The following CWC25 variants were observed in gnomAD, a reference collection of about 807,000 sequenced individuals.
CWC25 encodes the protein CWC25 spliceosome associated protein.
In CWC25, 31 loss-of-function variants were observed where a neutral mutation model predicts 54.6. The observed-to-expected ratio is 0.57, with a 90% CI of 0.43 to 0.77. The LOEUF is 0.77. Ranked by LOEUF, CWC25 falls within the 30% of genes least tolerant of loss-of-function variation. CWC25 has a pLI of 0.00. For synonymous variants in CWC25, 151 were observed against 187.0 expected (o/e 0.81, Z 1.57); for missense variants, 453 against 529.3 (o/e 0.86, Z 1.41).
chr17:38,825,082 T>C (rs1171907780), intron 1 of CWC25, 84 bp downstream of exon 1: 4 of 1,271,280 alleles, frequency 3.1e-6, no homozygotes, highest in East Asian at 5.5e-5. Context: ...TTGCCATGGT[T>C]ATCCACTCCT....
chr17:38,816,643 AT>A (rs1335403253), intron 2 of CWC25, among the ~76,000 whole-genome samples: 4 of 151,622 alleles, frequency 2.6e-5, no homozygotes, highest in Non-Finnish European at 5.9e-5. Flanking sequence ...ATGCTTGGAC[AT>A]TTTTGGTAAG....
rs181912792 is a variant in CWC25 at position 38,815,533 on chromosome 17, C to T, written c.192-436G>A. 471 of 579,168 alleles carry T rather than the reference C, an allele frequency of 8.1e-4. 4 individuals are homozygous for T. The East Asian group carries it at 0.013, about 16-fold the overall frequency. The allele number at this position is 579,168 out of a possible 1,614,324, so 35.9% of individuals were successfully genotyped here. ...CGCCACTGCACTCCAGCCTGGGTGA[C>T]GGAGCCAGACCTTGTCTCAAATAAA... On this transcript the variant is annotated intron_variant, in intron 2 of 9. Coordinates refer to ENST00000614790, the MANE Select transcript of CWC25 (RefSeq NM_017748.5).
rs574348748 is a variant in CWC25 at position 38,804,499 on chromosome 17, A to G, written c.1002-1638T>C. 5.9e-5 allele frequency among the ~76,000 whole-genome samples: 9 copies of G among 152,058 alleles called. No homozygotes were observed. The East Asian group carries it at 1.8e-3, about 30-fold the overall frequency. ...AGCCTGGACAACACATTGAAACCCC[A>G]TCTATATTAAAAATACAAAAATTAG... On this transcript the variant is annotated intron_variant, in intron 8 of 9. Transcript: ENST00000614790.
rs1378652463 is a variant in CWC25 at position 38,825,194 on chromosome 17, A to C, written c.-11T>G. ...GTCTCCGCCCCCCATGACGGTGGAG[A>C]CGATTCCTCACTACGCGGATCTGGA... On this transcript the variant is annotated 5_prime_UTR_variant, in exon 1 of 10. Coordinates refer to ENST00000614790, the MANE Select transcript of CWC25 (RefSeq NM_017748.5). The C allele has an allele frequency of 1.3e-6, 2 of 1,589,166 alleles. No individual in the cohort carries two copies. Among genetic ancestry groups the C allele is most frequent in the Non-Finnish European group, 1.7e-6 (2 of 1,168,886 alleles).
intron 2 of CWC25, among the ~76,000 whole-genome samples, chr17:38,816,382 A>C (rs1033705093): frequency 6.6e-6 from 1 of 152,010 alleles, no homozygotes; most frequent in East Asian, 1.9e-4. Flanking sequence ...AGTAGCTGGG[A>C]CTACAGGGAT....
Position 38,820,955 on chromosome 17 carries a change from T to C in CWC25, c.137A>G (p.Glu46Gly), listed in dbSNP as rs950653481. The C allele has an allele frequency of 5.0e-6, 8 of 1,613,866 alleles. No individual in the cohort carries two copies. The African/African-American group carries it at 1.1e-4, about 22-fold the overall frequency. Residue 46 changes from glutamate to glycine, a missense_variant, in exon 2 of 10, where the codon GAA becomes GGA. Physicochemically the swap from Glu to Gly is moderately conservative, Grantham distance 98. Coordinates refer to ENST00000614790, the MANE Select transcript of CWC25 (RefSeq NM_017748.5). Reference protein sequence around the residue: ...KIEELQRELREERAREEMQRY... With the variant: ...KIEELQRELRGERAREEMQRY... The stretch of plus-strand genomic sequence containing the variant: ...CTGCATCTCTTCCCGGGCTCTCTCT[T>C]CTCGCAGCTCCCGCTGAAGCTCCTC...
chr17:38,802,124 C>A lies in CWC25; in HGVS notation c.1246G>T (p.Val416Leu). The change falls in exon 10 of 10, where the codon GTA (valine) becomes TTA (leucine). Residue 416 changes from valine (V) to leucine (L), a missense_variant. By Grantham distance (32) the Val-to-Leu change is conservative (BLOSUM62 1). Transcript: ENST00000614790. ...RNIYSLQRTSVALEKNFMKR is the reference protein window; with the variant it reads ...RNIYSLQRTSLALEKNFMKR ...TTCATAAAGTTCTTCTCCAGAGCTA[C>A]CGAAGTTCTCTGTAAAGAGTAGATA... is the stretch of plus-strand genomic sequence containing the variant. 2 of 1,613,436 alleles carry A rather than the reference C, an allele frequency of 1.2e-6. No individual in the cohort carries two copies. The highest frequency in any genetic ancestry group is 1.7e-6 in the Non-Finnish European group (2 of 1,179,442).
chr17:38,802,073 A>T lies in CWC25; in HGVS notation c.*19T>A, dbSNP rs188256587. ...TTCCCTGGAAAATGCAGGAAAACCA[A>T]TAAGAGAGGGGACAGTTTTCATCTT... is the stretch of plus-strand genomic sequence containing the variant. On this transcript the variant is annotated 3_prime_UTR_variant, in exon 10 of 10. Coordinates refer to ENST00000614790, the MANE Select transcript of CWC25 (RefSeq NM_017748.5). The T allele has an allele frequency of 1.3e-6, 2 of 1,510,912 alleles. No individual in the cohort carries two copies. The highest frequency in any genetic ancestry group is 3.4e-5 in the Admixed American group (2 of 59,284). 93.6% of individuals were successfully genotyped at this position (1,510,912 alleles called of 1,614,324 possible). A position where few individuals can be genotyped will look rare whatever the true frequency, so the allele number is the denominator to read the frequency against.
intron 4 of CWC25, among the ~76,000 whole-genome samples, chr17:38,811,630 C>T (rs1038616350): frequency 6.6e-6 from 1 of 152,048 alleles, no homozygotes; most frequent in African/African-American, 2.4e-5. Context: ...GACTCCATGC[C>T]TCTGGGTCTA....
chr17:38,810,421 T>G, intron 5 of CWC25, 47 bp downstream of exon 5: 1 of 1,490,884 alleles, frequency 6.7e-7, no homozygotes, highest in Middle Eastern at 1.8e-4. Flanking sequence ...AATGAGTGAA[T>G]GAGCAAGTGA....
chr17:38,809,416 G>A (rs564551364), intron 6 of CWC25, among the ~76,000 whole-genome samples: 93 of 130,742 alleles, frequency 7.1e-4, no homozygotes, highest in African/African-American at 2.4e-3. Context: ...TGACAAGCGA[G>A]ACTCCGTCTC....
rs562685632 is a variant in CWC25, at chr17:38,801,783, G to A, written c.*309C>T. On this transcript the variant is annotated 3_prime_UTR_variant, in exon 10 of 10. Transcript: ENST00000614790. The stretch of plus-strand genomic sequence containing the variant: ...ATAGGTCTGTTGGCACAGGTAAGAA[G>A]GAAGTGGCATGATAAACATCACAAC... 18 of 250,804 alleles carry A rather than the reference G, an allele frequency of 7.2e-5. No individual in the cohort carries two copies. In the East Asian group the frequency reaches 1.4e-3, roughly 20 times the overall value. 15.5% of individuals were successfully genotyped at this position (250,804 alleles called of 1,614,324 possible).
intron 7 of CWC25, 130 bp downstream of exon 7, chr17:38,806,635 G>A (rs983485182): frequency 1.1e-6 from 1 of 891,716 alleles, no homozygotes; most frequent in African/African-American, 1.7e-5. Context: ...AAAAAATGAT[G>A]TAAAGGAAAT....
At position 38,806,976 on chromosome 17, in the gene CWC25, C is replaced by A. The variant is rs187341764; in HGVS notation, c.691G>T (p.Val231Phe). Reference sequence around the variant, plus strand: ...CCCTGGTTACGGTCAGAGTTCCGGACCTACATCATTAAGGAAAAGAGAAGT... The same window carrying A: ...CCCTGGTTACGGTCAGAGTTCCGGAACTACATCATTAAGGAAAAGAGAAGT... Reference protein sequence around the residue: ...LSKVPGYGLQVRNSDRNQGLQ... With the variant: ...LSKVPGYGLQFRNSDRNQGLQ... Residue 231 changes from valine to phenylalanine, a missense_variant and splice_region_variant, in exon 7 of 10, where the codon GTC becomes TTC. Physicochemically the swap from Val to Phe is conservative, Grantham distance 50. This residue lies in a region of CWC25 where 444 missense variants were observed against 499.2 expected (regional missense o/e 0.89). Coordinates refer to ENST00000614790, the MANE Select transcript of CWC25 (RefSeq NM_017748.5). 216 of 1,604,614 alleles carry A rather than the reference C, an allele frequency of 1.3e-4. No homozygotes were observed. Among genetic ancestry groups the A allele is most frequent in the Non-Finnish European group, 1.8e-4 (213 of 1,176,370 alleles).
chr17:38,822,738 T>G (rs1291805377), intron 1 of CWC25, among the ~76,000 whole-genome samples: 1 of 151,848 alleles, frequency 6.6e-6, no homozygotes, highest in Non-Finnish European at 1.5e-5. Flanking sequence ...GCTGGAGATG[T>G]GGCAAGCTGA....
intron 5 of CWC25, 121 bp from the exon 6 acceptor site, chr17:38,809,886 C>G (rs974003280): frequency 2.8e-5 from 23 of 809,844 alleles, no homozygotes; most frequent in Non-Finnish European, 4.3e-5. Context: ...CCAGCAGTTA[C>G]CTGGCAGTAC....
intron 1 of CWC25, among the ~76,000 whole-genome samples, chr17:38,823,090 G>C (rs977492193): frequency 6.6e-6 from 1 of 151,180 alleles, no homozygotes; most frequent in East Asian, 1.9e-4. Flanking sequence ...TGCCCGCCTT[G>C]GCCTCCCAAA....
chr17:38,803,669 A>G (rs1202484505), intron 8 of CWC25, among the ~76,000 whole-genome samples: 1 of 151,774 alleles, frequency 6.6e-6, no homozygotes, highest in Admixed American at 6.6e-5. Flanking sequence ...ACAATTTACT[A>G]TTAAAAATCT....
intron 3 of CWC25, among the ~76,000 whole-genome samples, chr17:38,813,954 C>T (rs956091190): frequency 2.6e-5 from 4 of 152,132 alleles, no homozygotes; most frequent in South Asian, 2.1e-4. Context: ...CTCCTCCTCC[C>T]GGGTTCATGC....
Sources: allele counts gnomAD v4.1 joint callset (sites outside exome capture counted in the v4.1 genomes callset), GRCh38; gene constraint gnomAD v4.1.1; regional missense constraint gnomAD v4.1.1; transcripts MANE v1.5; gene names NCBI Gene and HGNC (gene_info 2026-07-23, HGNC 2026-07-21).